ERC2: variants seen among roughly 807,000 people sequenced by gnomAD.
ERC2 encodes ERC protein 2.
ERC2 carries 42 observed loss-of-function variants against 114.8 expected under a neutral mutation model. The ratio of observed to expected loss-of-function variants is 0.37; its 90% CI spans 0.29 to 0.47. The LOEUF is 0.47. ERC2 is among the 20% of genes least tolerant of loss of function. The pLI, the probability that ERC2 is intolerant of heterozygous loss-of-function variation, is 0.99. For missense variants in ERC2, 939 were observed against 1,150.7 expected (o/e 0.82, Z 2.66); for synonymous variants, 454 against 425.5 (o/e 1.07, Z -0.82).
chr3:56,117,357 G>A (rs937592897), intron 6 of ERC2, among the ~76,000 whole-genome samples: 1 of 152,154 alleles, frequency 6.6e-6, no homozygotes, highest in Non-Finnish European at 1.5e-5. Context: ...ATTTCCCCAT[G>A]TCAATATGAA....
intron 13 of ERC2, among the ~76,000 whole-genome samples, chr3:55,920,359 C>A (rs982411794): frequency 6.6e-6 from 1 of 151,662 alleles, no homozygotes; most frequent in Admixed American, 6.6e-5. Flanking sequence ...CATCAACAAT[C>A]AGCAACTGTT....
chr3:56,297,489 T>A (rs2055527333), intron 2 of ERC2, among the ~76,000 whole-genome samples: 1 of 152,188 alleles, frequency 6.6e-6, no homozygotes, highest in African/African-American at 2.4e-5. Context: ...AGTTATCAGA[T>A]GTGAGAAAAG....
rs2062182332 is a variant in ERC2 at position 55,683,819 on chromosome 3, G to T, written c.*14C>A. The T allele has an allele frequency of 1.2e-6, 2 of 1,612,354 alleles. No homozygotes were observed. Among genetic ancestry groups the T allele is most frequent in the African/African-American group, 2.7e-5 (2 of 74,702 alleles). On this transcript the variant is annotated 3_prime_UTR_variant, in exon 17 of 18. Coordinates refer to ENST00000288221, the MANE Select transcript of ERC2 (RefSeq NM_015576.3). ...CCCTCAAAACAAAACTGGAACTTTG[G>T]TTTACAGGCCCGGCTATGCCCATAT...
At chr3:56,138,216 C>T (rs574436124) in intron 6 of ERC2, among the ~76,000 whole-genome samples, 39 of 152,132 alleles carry the variant, frequency 2.6e-4, no homozygotes, top group Admixed American at 2.0e-3. Flanking sequence ...CCCGCCACCA[C>T]GCCCAGCTAA....
At position 55,766,273 on chromosome 3, in the gene ERC2, GAA is replaced by G. The variant is rs35962584; in HGVS notation, c.2565-31357_2565-31356del. 1.7e-3 allele frequency among the ~76,000 whole-genome samples: 166 copies of G among 95,122 alleles called. 2 individuals carry two copies. Among genetic ancestry groups the G allele is most frequent in the Middle Eastern group, 0.013 (2 of 158 alleles). 62.4% of individuals were successfully genotyped at this position (95,122 alleles called of 152,430 possible). ...ACACAACTCTTGGTTCTCTCCACAAGAAAAAAAAAAAAAAAAAGGATCAAGGA... is the reference window on the plus strand; with the variant it reads ...ACACAACTCTTGGTTCTCTCCACAAGAAAAAAAAAAAAAAAGGATCAAGGA... On this transcript the variant is annotated intron_variant, in intron 14 of 17. Coordinates refer to ENST00000288221, the MANE Select transcript of ERC2 (RefSeq NM_015576.3).
At chr3:55,668,265 G>A (rs1372632146) in intron 17 of ERC2, among the ~76,000 whole-genome samples, 1 of 152,078 alleles carries the variant, frequency 6.6e-6, no homozygotes, top group Non-Finnish European at 1.5e-5. Flanking sequence ...GCTAGCGGTG[G>A]CCACATAATA....
intron 2 of ERC2, among the ~76,000 whole-genome samples, chr3:56,336,237 T>C (rs574016475): frequency 1.3e-5 from 2 of 152,298 alleles, no homozygotes; most frequent in South Asian, 2.1e-4. Context: ...CTGTGCTTCA[T>C]ATATAAGATA....
At chr3:56,095,417 G>A (rs976784500) in intron 6 of ERC2, among the ~76,000 whole-genome samples, 4 of 152,024 alleles carry the variant, frequency 2.6e-5, no homozygotes, top group African/African-American at 4.8e-5. Context: ...AAAGACAAAC[G>A]GCAAATTGCA....
rs113282848 is a variant in ERC2 at position 55,825,127 on chromosome 3, G to C, written c.2564+63262C>G. ...GAAGTTCACCCAGGGAGTACCACAG[G>C]GCAAGAACCTGGAATTCTTCCTTGT... On this transcript the variant is annotated intron_variant, in intron 14 of 17. Transcript: ENST00000288221. 3.0e-3 allele frequency among the ~76,000 whole-genome samples: 452 copies of C among 152,220 alleles called. 1 individual carries two copies. Among genetic ancestry groups the C allele is most frequent in the African/African-American group, 0.01 (429 of 41,524 alleles).
At chr3:56,087,179 TTGTG>T (rs59471652) in intron 6 of ERC2, among the ~76,000 whole-genome samples, 47,856 of 147,236 alleles carry the variant, frequency 0.33, 8,215 homozygotes, top group East Asian at 0.41. Flanking sequence ...TTTGATCCAT[TTGTG>T]TGTGTGTGTG....
At chr3:56,148,702 T>G (rs142175367) in intron 5 of ERC2, among the ~76,000 whole-genome samples, 242 of 152,262 alleles carry the variant, frequency 1.6e-3, no homozygotes, top group African/African-American at 5.6e-3. Flanking sequence ...GAGTGGACTA[T>G]AAATATGTTA....
chr3:55,771,357 A>T (rs774347643), intron 14 of ERC2, among the ~76,000 whole-genome samples: 1 of 152,348 alleles, frequency 6.6e-6, no homozygotes, highest in East Asian at 1.9e-4. Context: ...GACATTAGCA[A>T]CATCGATTGT....
chr3:55,894,266 G>C (rs1177630182), intron 13 of ERC2, among the ~76,000 whole-genome samples: 1 of 152,080 alleles, frequency 6.6e-6, no homozygotes. Flanking sequence ...AAAGAACCTA[G>C]ACAAAATTTT....
At chr3:55,833,109 T>C (rs1414692468) in intron 14 of ERC2, among the ~76,000 whole-genome samples, 2 of 149,282 alleles carry the variant, frequency 1.3e-5, no homozygotes, top group Non-Finnish European at 2.9e-5. Context: ...TGGGACTATG[T>C]GAAAAGACCA....
At chr3:55,971,743 T>C (rs917383863) in intron 12 of ERC2, among the ~76,000 whole-genome samples, 2 of 152,204 alleles carry the variant, frequency 1.3e-5, no homozygotes, top group African/African-American at 4.8e-5. Flanking sequence ...TGAACAATCC[T>C]GGATATCCTA....
At chr3:55,563,646 G>A (rs916968758) in intron 17 of ERC2, among the ~76,000 whole-genome samples, 4 of 152,234 alleles carry the variant, frequency 2.6e-5, no homozygotes, top group Non-Finnish European at 4.4e-5. Flanking sequence ...CACGGAACGT[G>A]GAGAAATTTC....
At position 56,188,804 on chromosome 3, in the gene ERC2, G is replaced by C. The variant is rs189536309; in HGVS notation, c.1075-15284C>G. ...GAAGCCTGAAAGATTTCAGATTGGG[G>C]CAGTCATGCCTCCGTGACGCAGCTC... is the stretch of plus-strand genomic sequence containing the variant. On this transcript the variant is annotated intron_variant, in intron 3 of 17. Coordinates refer to ENST00000288221, the MANE Select transcript of ERC2 (RefSeq NM_015576.3). 5.2e-3 allele frequency among the ~76,000 whole-genome samples: 790 copies of C among 152,248 alleles called. 8 individuals are homozygous for C. The highest frequency in any genetic ancestry group is 0.011 in the Admixed American group (175 of 15,296).
At chr3:55,964,376 C>T (rs140696394) in intron 12 of ERC2, among the ~76,000 whole-genome samples, 3,440 of 152,020 alleles carry the variant, frequency 0.023, 59 homozygotes, top group Middle Eastern at 0.082. Context: ...AAAATACTAT[C>T]GTACATTACT....
chr3:55,719,002 C>G (rs922792899), intron 15 of ERC2, among the ~76,000 whole-genome samples: 1 of 152,070 alleles, frequency 6.6e-6, no homozygotes, highest in African/African-American at 2.4e-5. Flanking sequence ...TCTGAAGAAA[C>G]AAAAGAAAAA....
Sources: allele counts gnomAD v4.1 joint callset (sites outside exome capture counted in the v4.1 genomes callset), GRCh38; gene constraint gnomAD v4.1.1; transcripts MANE v1.5; gene names NCBI Gene and HGNC (gene_info 2026-07-23, HGNC 2026-07-21).